Variants in FAT3 observed in about 807,000 individuals in gnomAD.
FAT3 encodes the protein FAT atypical cadherin 3.
FAT3 carries 95 observed loss-of-function variants against 310.2 expected under a neutral mutation model. That is an observed-to-expected ratio of 0.31 (90% CI 0.26 to 0.36). The LOEUF (loss-of-function observed/expected upper bound fraction) is 0.36, where lower values mean the gene tolerates loss of function less well. Among genes scored for constraint, FAT3 ranks in the 10% least tolerant of loss-of-function variants. The pLI is 1.00. For missense variants in FAT3, 5,408 were observed against 5,715.6 expected (o/e 0.95, Z 1.74); for synonymous variants, 2,314 against 2,192.9 (o/e 1.06, Z -1.54).
At chr11:92,304,361 G>A (rs1238647103) in intron 1 of FAT3, among the ~76,000 whole-genome samples, 1 of 152,000 alleles carries the variant, frequency 6.6e-6, no homozygotes, top group East Asian at 1.9e-4. Context: ...TAAACATCAG[G>A]GCTAGCAGCT....
chr11:92,509,692 A>G (rs1953229240), intron 2 of FAT3, among the ~76,000 whole-genome samples: 1 of 152,196 alleles, frequency 6.6e-6, no homozygotes, highest in African/African-American at 2.4e-5. Flanking sequence ...TTAATGCGGA[A>G]AGATGTTCCA....
intron 4 of FAT3, among the ~76,000 whole-genome samples, chr11:92,757,373 G>A (rs1946030385): frequency 6.6e-6 from 1 of 152,140 alleles, no homozygotes; most frequent in Non-Finnish European, 1.5e-5. Context: ...CTTTTGTGAG[G>A]CTGTAGCAGA....
At chr11:92,823,943 A>T (rs529536562) in intron 13 of FAT3, among the ~76,000 whole-genome samples, 1 of 152,190 alleles carries the variant, frequency 6.6e-6, no homozygotes, top group African/African-American at 2.4e-5. Context: ...TATTTCAAAC[A>T]GAGGAAAAAG....
At chr11:92,824,981 C>T (rs1278085616) in intron 13 of FAT3, among the ~76,000 whole-genome samples, 1 of 152,024 alleles carries the variant, frequency 6.6e-6, no homozygotes, top group Non-Finnish European at 1.5e-5. Flanking sequence ...GGGTAAGTAC[C>T]AGTTTTTTTT....
chr11:92,484,503 C>T (rs1342866383), intron 2 of FAT3, among the ~76,000 whole-genome samples: 2 of 151,986 alleles, frequency 1.3e-5, no homozygotes, highest in Non-Finnish European at 2.9e-5. Flanking sequence ...TGGGAAAGGG[C>T]GATGATGAAA....
rs950927531 is a variant in FAT3 at position 92,312,049 on chromosome 11, C to T, written c.-17-40047C>T. On this transcript the variant is annotated intron_variant, in intron 1 of 27. Coordinates refer to ENST00000525166, the MANE Select transcript of FAT3 (RefSeq NM_001367949.2). ...CAATTTTTCTTCTCTTCCAAGTTTTCGAACTTTGTTACTTAAAATGTCAAC... is the reference window on the plus strand; with the variant it reads ...CAATTTTTCTTCTCTTCCAAGTTTTTGAACTTTGTTACTTAAAATGTCAAC... Among the ~76,000 whole-genome samples the T allele has an allele frequency of 6.6e-5, 10 of 152,162 alleles. No homozygotes were observed. The South Asian group carries it at 2.1e-3, about 32-fold the overall frequency.
At chr11:92,350,151 A>G (rs1162463229) in intron 1 of FAT3, among the ~76,000 whole-genome samples, 2 of 152,264 alleles carry the variant, frequency 1.3e-5, no homozygotes, top group East Asian at 3.9e-4. Flanking sequence ...AAATTAATCA[A>G]GGAGAGGGGA....
intron 1 of FAT3, among the ~76,000 whole-genome samples, chr11:92,261,938 C>T (rs1865571908): frequency 6.6e-6 from 1 of 151,634 alleles, no homozygotes; most frequent in South Asian, 2.1e-4. Flanking sequence ...TGCCTGCATT[C>T]CAGGTTTTCT....
chr11:92,347,493 CA>C (rs1473965877), intron 1 of FAT3, among the ~76,000 whole-genome samples: 1 of 152,006 alleles, frequency 6.6e-6, no homozygotes, highest in Non-Finnish European at 1.5e-5. Context: ...TTAAGCAGAC[CA>C]GATTAATGTT....
At chr11:92,250,967 T>A (rs1192068994) in intron 1 of FAT3, among the ~76,000 whole-genome samples, 1 of 152,148 alleles carries the variant, frequency 6.6e-6, no homozygotes, top group Admixed American at 6.6e-5. Flanking sequence ...CTACAGAAAG[T>A]CAAATCAATG....
At chr11:92,277,603 G>T (rs1591043325) in intron 1 of FAT3, among the ~76,000 whole-genome samples, 1 of 152,100 alleles carries the variant, frequency 6.6e-6, no homozygotes, top group Non-Finnish European at 1.5e-5. Flanking sequence ...GATAACACAG[G>T]AGTAAAAAAC....
chr11:92,375,305 T>G (rs1436455626), intron 2 of FAT3, among the ~76,000 whole-genome samples: 1 of 151,958 alleles, frequency 6.6e-6, no homozygotes, highest in African/African-American at 2.4e-5. Flanking sequence ...AACTAATTTA[T>G]TTTTATTTTT....
intron 22 of FAT3, among the ~76,000 whole-genome samples, chr11:92,876,740 A>G (rs565672191): frequency 4.6e-5 from 7 of 152,336 alleles, no homozygotes; most frequent in South Asian, 4.1e-4. Flanking sequence ...TGAACACACA[A>G]TCATTCTTCC....
intron 3 of FAT3, among the ~76,000 whole-genome samples, chr11:92,695,818 T>C (rs1211674870): frequency 1.3e-5 from 2 of 152,108 alleles, no homozygotes; most frequent in South Asian, 4.1e-4. Context: ...AGATCAATAA[T>C]GGAGAGCACT....
intron 12 of FAT3, 117 bp from the exon 13 acceptor site, chr11:92,809,726 C>A (rs1947615480): frequency 4.0e-6 from 3 of 743,470 alleles, no homozygotes; most frequent in Admixed American, 2.9e-5. Context: ...GACACTTGGG[C>A]CAAATGATGT....
At chr11:92,446,259 A>G (rs916669807) in intron 2 of FAT3, among the ~76,000 whole-genome samples, 9 of 152,318 alleles carry the variant, frequency 5.9e-5, no homozygotes, top group Middle Eastern at 6.8e-3. Context: ...AGGTGATACT[A>G]TTCCCTAGTA....
intron 2 of FAT3, among the ~76,000 whole-genome samples, chr11:92,453,187 A>G (rs1451251504): frequency 6.6e-6 from 1 of 152,194 alleles, no homozygotes; most frequent in African/African-American, 2.4e-5. Context: ...ATGTTAAGAA[A>G]GTCTCCAAAA....
At chr11:92,845,590 A>G (rs1388024938) in intron 19 of FAT3, among the ~76,000 whole-genome samples, 6 of 152,190 alleles carry the variant, frequency 3.9e-5, no homozygotes, top group Non-Finnish European at 8.8e-5. Flanking sequence ...ACAGAGTCAC[A>G]TGCCCGTAGT....
chr11:92,853,435 T>G (rs1948885675), intron 19 of FAT3, among the ~76,000 whole-genome samples: 1 of 152,202 alleles, frequency 6.6e-6, no homozygotes, highest in Non-Finnish European at 1.5e-5. Flanking sequence ...CCCCTAGGTC[T>G]GGGCTTTTCT....
Sources: allele counts gnomAD v4.1 joint callset (sites outside exome capture counted in the v4.1 genomes callset), GRCh38; gene constraint gnomAD v4.1.1; transcripts MANE v1.5; gene names NCBI Gene and HGNC (gene_info 2026-07-23, HGNC 2026-07-21).